MEF2A: variants seen among roughly 807,000 people sequenced by gnomAD.
The protein encoded by MEF2A is myocyte-specific enhancer factor 2A.
A neutral mutation model predicts 55.8 loss-of-function variants in MEF2A; 28 were observed. That is an observed-to-expected ratio of 0.50 (90% CI 0.37 to 0.69). MEF2A has a LOEUF of 0.69. Among genes scored for constraint, MEF2A ranks in the 30% least tolerant of loss-of-function variants. The probability of loss-of-function intolerance (pLI) is 0.00; values close to 1 mark genes in which losing one functional copy is unlikely to be tolerated. For missense variants in MEF2A, 528 were observed against 626.2 expected (o/e 0.84, Z 1.67); for synonymous variants, 239 against 227.1 (o/e 1.05, Z -0.47).
chr15:99,648,257 T>C (rs1362231783), intron 4 of MEF2A, among the ~76,000 whole-genome samples: 1 of 152,208 alleles, frequency 6.6e-6, no homozygotes, highest in East Asian at 1.9e-4. Context: ...GCCCATTTAC[T>C]CATTTGACAA....
chr15:99,637,711 C>T (rs1384394119), intron 3 of MEF2A, among the ~76,000 whole-genome samples: 4 of 152,034 alleles, frequency 2.6e-5, no homozygotes, highest in Non-Finnish European at 2.9e-5. Context: ...GGCACGCTGT[C>T]GGCTCACTGC....
Position 99,661,772 on chromosome 15 carries a change from T to C in MEF2A, c.259-9551T>C, listed in dbSNP as rs375028351. Among the ~76,000 whole-genome samples the C allele has an allele frequency of 8.0e-5, 12 of 149,606 alleles. No homozygotes were observed. In the East Asian group the frequency reaches 1.9e-3, roughly 24 times the overall value. On this transcript the variant is annotated intron_variant, in intron 4 of 11. Transcript: ENST00000557942. ...CACATGTTTTATGAACTAATACTTC[T>C]ATTCCTAAGAATACATACCCAAGAG...
At chr15:99,670,860 T>G (rs147044023) in intron 4 of MEF2A, among the ~76,000 whole-genome samples, 41 of 152,376 alleles carry the variant, frequency 2.7e-4, no homozygotes, top group African/African-American at 9.4e-4. Flanking sequence ...TGATTCTTTC[T>G]GTTGAGTAGG....
intron 2 of MEF2A, among the ~76,000 whole-genome samples, chr15:99,614,994 A>T (rs2039956507): frequency 6.6e-6 from 1 of 152,202 alleles, no homozygotes; most frequent in Non-Finnish European, 1.5e-5. Flanking sequence ...GATAAGTGAC[A>T]TGATTATATT....
rs1260915573 is a variant in MEF2A, at chr15:99,667,512, C to T, written c.259-3811C>T. The stretch of plus-strand genomic sequence containing the variant: ...TGCTGGGATTACAGGCGTCAGCCAC[C>T]GCGCCCGGCCGTAACATAGTTTTTT... On this transcript the variant is annotated intron_variant, in intron 4 of 11. Transcript: ENST00000557942. Among the ~76,000 whole-genome samples, 12 of 152,172 alleles carry T rather than the reference C, an allele frequency of 7.9e-5. No homozygotes were observed. In the South Asian group the frequency reaches 1.5e-3, roughly 18 times the overall value.
chr15:99,703,385 G>A lies in MEF2A; in HGVS notation c.882G>A (p.Leu294=). 1 of 1,607,116 alleles carries A rather than the reference G, an allele frequency of 6.2e-7. No homozygotes were observed. The highest frequency in any genetic ancestry group is 8.5e-7 in the Non-Finnish European group (1 of 1,176,904). The change falls in exon 9 of 12, where the codon TTG becomes TTA. Residue 294 remains leucine (L), a splice_region_variant and synonymous_variant. Coordinates refer to ENST00000557942, the MANE Select transcript of MEF2A (RefSeq NM_001319206.4). ...AGTCGGAGGAAGAGGAATTGGAGTT[G>A]GTGAGTGTGGGTTTCTGCTTGAAGG... ...PPLSEEEELE[L]NTQRISSSQA...
intron 7 of MEF2A, among the ~76,000 whole-genome samples, chr15:99,687,633 C>G (rs1190429735): frequency 3.9e-5 from 6 of 152,206 alleles, no homozygotes; most frequent in Non-Finnish European, 8.8e-5. Flanking sequence ...TCATTTCAGA[C>G]TGCTCAGTAG....
At chr15:99,711,476 GCTT>G (rs1345795302) in intron 11 of MEF2A, among the ~76,000 whole-genome samples, 1 of 152,220 alleles carries the variant, frequency 6.6e-6, no homozygotes, top group African/African-American at 2.4e-5. Context: ...AAAGAACAGG[GCTT>G]TTGTGGAACC....
At chr15:99,597,436 T>G (rs1359827042) in intron 1 of MEF2A, among the ~76,000 whole-genome samples, 1 of 152,094 alleles carries the variant, frequency 6.6e-6, no homozygotes, top group East Asian at 1.9e-4. Context: ...AAACCCTGTC[T>G]CCTGATAAGA....
chr15:99,572,887 G>T (rs902283196), intron 1 of MEF2A, among the ~76,000 whole-genome samples: 2 of 152,202 alleles, frequency 1.3e-5, no homozygotes, highest in African/African-American at 2.4e-5. Flanking sequence ...CTATTAGGCT[G>T]AATTGCTATG....
chr15:99,611,157 A>G (rs941410217), intron 2 of MEF2A, among the ~76,000 whole-genome samples: 6 of 152,188 alleles, frequency 3.9e-5, no homozygotes, highest in Non-Finnish European at 8.8e-5. Flanking sequence ...CAGGAGCATC[A>G]CTTGAACCTG....
At chr15:99,666,082 A>T (rs1372635445) in intron 4 of MEF2A, among the ~76,000 whole-genome samples, 4 of 152,190 alleles carry the variant, frequency 2.6e-5, no homozygotes, top group Admixed American at 6.5e-5. Flanking sequence ...TAATGCCATT[A>T]CTGAATATAT....
chr15:99,610,302 C>T (rs184858261), intron 2 of MEF2A, among the ~76,000 whole-genome samples: 179 of 151,706 alleles, frequency 1.2e-3, no homozygotes, highest in Non-Finnish European at 1.9e-3. Flanking sequence ...AATGCAAAGA[C>T]GGTACCATCT....
chr15:99,631,068 G>A (rs1381739810), intron 2 of MEF2A, among the ~76,000 whole-genome samples: 1 of 152,100 alleles, frequency 6.6e-6, no homozygotes, highest in East Asian at 1.9e-4. Context: ...ATTATCTTGT[G>A]TTTTTCTTTT....
chr15:99,572,007 A>G (rs1027397260), intron 1 of MEF2A, among the ~76,000 whole-genome samples: 3 of 131,604 alleles, frequency 2.3e-5, no homozygotes, highest in African/African-American at 5.2e-5. Context: ...TTCTTGCTCC[A>G]TAGAAGTTTT....
At chr15:99,710,087 CA>C (rs2153822388) in intron 10 of MEF2A, among the ~76,000 whole-genome samples, 1 of 152,224 alleles carries the variant, frequency 6.6e-6, no homozygotes, top group South Asian at 2.1e-4. Context: ...AACAATTGTA[CA>C]GAACACTCTT....
At chr15:99,665,734 A>G in intron 4 of MEF2A, among the ~76,000 whole-genome samples, 1 of 143,454 alleles carries the variant, frequency 7.0e-6, no homozygotes, top group Non-Finnish European at 1.5e-5. Context: ...AAATTTACAA[A>G]AAAAAAAAAA....
At chr15:99,650,874 A>C (rs2046746866) in intron 4 of MEF2A, among the ~76,000 whole-genome samples, 2 of 152,226 alleles carry the variant, frequency 1.3e-5, no homozygotes. Flanking sequence ...CTGAATCTGC[A>C]GCTTTTGAGA....
Position 99,667,382 on chromosome 15 carries a change from A to G in MEF2A, c.259-3941A>G, listed in dbSNP as rs957686008. Among the ~76,000 whole-genome samples the G allele has an allele frequency of 7.9e-5, 12 of 152,152 alleles. No homozygotes were observed. In the South Asian group the frequency reaches 8.3e-4, roughly 11 times the overall value. On this transcript the variant is annotated intron_variant, in intron 4 of 11. Transcript: ENST00000557942. Reference sequence around the variant, plus strand: ...ACTACAGGTGCCCGCCACCACGCCCAGCTAACTTTGTTTTTGTATTTTTAG... The same window carrying G: ...ACTACAGGTGCCCGCCACCACGCCCGGCTAACTTTGTTTTTGTATTTTTAG...
Sources: gnomAD v4.1 joint callset for allele counts (sites outside exome capture counted in the v4.1 genomes callset) on GRCh38, gnomAD v4.1.1 for gene constraint, MANE v1.5 for transcripts, NCBI Gene and HGNC (gene_info 2026-07-23, HGNC 2026-07-21) for gene names.